WWP1: variants seen among roughly 807,000 people sequenced by gnomAD.
WWP1 encodes WW domain containing E3 ubiquitin protein ligase 1.
In WWP1, 49 loss-of-function variants were observed where a neutral mutation model predicts 130.6. The ratio of observed to expected loss-of-function variants is 0.38; its 90% CI spans 0.30 to 0.48. The LOEUF (loss-of-function observed/expected upper bound fraction) is 0.48. WWP1 is among the 20% of genes least tolerant of loss of function. The pLI, the probability that WWP1 is intolerant of heterozygous loss-of-function variation, is 0.99. For missense variants in WWP1, 809 were observed against 1,100.6 expected, an observed-to-expected ratio of 0.74 and a Z score of 3.75; for synonymous variants, 332 against 367.8, an observed-to-expected ratio of 0.90 and a Z score of 1.11.
intron 11 of WWP1, among the ~76,000 whole-genome samples, chr8:86,430,324 CTGGAGTGCAGTA>C (rs1330007077): frequency 6.6e-6 from 1 of 151,992 alleles, no homozygotes; most frequent in Non-Finnish European, 1.5e-5. Flanking sequence ...GTTGTGCAGG[CTGGAGTGCAGTA>C]GTAGTGTGAT....
rs199881497 is a variant in WWP1 at position 86,411,828 on chromosome 8, G to A, written c.1015G>A (p.Val339Ile). 2.5e-6 allele frequency: 4 copies of A among 1,613,520 alleles called. No individual in the cohort carries two copies. The East Asian group carries it at 8.9e-5, about 36-fold the overall frequency. The part of the protein sequence containing the change: ...SRQPDGCMDP[V>I]RQQSGNANTE... ...ACAGCCAGATGGGTGTATGGATCCTGTACGGCAGCAGTCTGGGAATGCCAA... is the reference window on the plus strand; with the variant it reads ...ACAGCCAGATGGGTGTATGGATCCTATACGGCAGCAGTCTGGGAATGCCAA... Residue 339 changes from valine (V) to isoleucine (I), a missense_variant, in exon 9 of 25, where the codon GTA (valine) becomes ATA (isoleucine). Transcript: ENST00000517970.
At position 86,430,694 on chromosome 8, in the gene WWP1, C is replaced by T. The variant is rs760462031; in HGVS notation, c.1333-3C>T. On this transcript the variant is annotated splice_region_variant and splice_polypyrimidine_tract_variant and intron_variant, in intron 11 of 24. Coordinates refer to ENST00000517970, the MANE Select transcript of WWP1 (RefSeq NM_007013.4). The stretch of plus-strand genomic sequence containing the variant: ...TTCTCTCCCTAATCTTTTCTCCAAT[C>T]AGGCTTCAATGTTAGCTGCAGAAAA... 1 of 1,583,116 alleles carries T rather than the reference C, an allele frequency of 6.3e-7. No individual in the cohort carries two copies.
At chr8:86,359,288 T>C (rs1823429737) in intron 1 of WWP1, among the ~76,000 whole-genome samples, 1 of 152,184 alleles carries the variant, frequency 6.6e-6, no homozygotes, top group Non-Finnish European at 1.5e-5. Flanking sequence ...CCCCTTTCTC[T>C]TCTGGAACCT....
intron 5 of WWP1, among the ~76,000 whole-genome samples, chr8:86,385,179 T>C (rs947305801): frequency 1.3e-5 from 2 of 152,226 alleles, no homozygotes; most frequent in Non-Finnish European, 2.9e-5. Flanking sequence ...GATAGAGATA[T>C]TATGTTTCTG....
intron 21 of WWP1, among the ~76,000 whole-genome samples, chr8:86,456,537 G>A (rs1449700314): frequency 2.0e-5 from 3 of 151,930 alleles, no homozygotes; most frequent in Non-Finnish European, 2.9e-5. Context: ...TTGAGATAGT[G>A]TTGGTAGTTT....
At chr8:86,365,140 A>G (rs1487915739) in intron 1 of WWP1, among the ~76,000 whole-genome samples, 1 of 152,188 alleles carries the variant, frequency 6.6e-6, no homozygotes, top group Non-Finnish European at 1.5e-5. Flanking sequence ...GTTAATTAAA[A>G]ATTAATGTAT....
At chr8:86,457,712 A>G (rs1013499413) in intron 21 of WWP1, among the ~76,000 whole-genome samples, 7 of 152,180 alleles carry the variant, frequency 4.6e-5, no homozygotes, top group Non-Finnish European at 1.0e-4. Flanking sequence ...GTTTGAGTTC[A>G]ATAAACATGG....
At chr8:86,418,954 C>T (rs1468720670) in intron 9 of WWP1, among the ~76,000 whole-genome samples, 1 of 152,148 alleles carries the variant, frequency 6.6e-6, no homozygotes, top group African/African-American at 2.4e-5. Flanking sequence ...TGTTCTCTAA[C>T]AAAACAGTCC....
At chr8:86,422,094 T>C (rs1403978004) in intron 9 of WWP1, among the ~76,000 whole-genome samples, 1 of 152,006 alleles carries the variant, frequency 6.6e-6, no homozygotes, top group Non-Finnish European at 1.5e-5. Context: ...GAAAAGTACT[T>C]TCCTTCAAAA....
chr8:86,430,612 G>T (rs1288273573), intron 11 of WWP1, 85 bp from the exon 12 acceptor site: 6 of 1,129,002 alleles, frequency 5.3e-6, no homozygotes, highest in East Asian at 3.3e-5. Flanking sequence ...TATAAAATGT[G>T]ATTCTGCCAC....
intron 9 of WWP1, among the ~76,000 whole-genome samples, chr8:86,420,787 A>G (rs1369792097): frequency 6.6e-6 from 1 of 152,224 alleles, no homozygotes; most frequent in Non-Finnish European, 1.5e-5. Context: ...TTATATAGCT[A>G]TGAAGGTATA....
chr8:86,434,153 T>C (rs10089253), intron 14 of WWP1, among the ~76,000 whole-genome samples: 22,403 of 152,172 alleles, frequency 0.15, 1,806 homozygotes, highest in Non-Finnish European at 0.19. Context: ...TTACTCTCCA[T>C]ACAGCACAGA....
chr8:86,373,328 G>A (rs1824442778), intron 2 of WWP1, among the ~76,000 whole-genome samples: 1 of 151,952 alleles, frequency 6.6e-6, no homozygotes, highest in South Asian at 2.1e-4. Flanking sequence ...AGTTGGTTAT[G>A]AGGTTCTGTT....
At chr8:86,343,440 C>A (rs1008679784) in intron 1 of WWP1, 5 of 129,226 alleles carry the variant, frequency 3.9e-5, no homozygotes, top group African/African-American at 1.2e-4. Context: ...GCCCCCCCAG[C>A]GCAACCCCCA....
intron 4 of WWP1, 64 bp from the exon 5 acceptor site, chr8:86,381,441 G>A (rs1355198293): frequency 6.6e-7 from 1 of 1,523,820 alleles, no homozygotes; most frequent in African/African-American, 1.4e-5. Flanking sequence ...AATAGGAATT[G>A]TTACTTATTA....
chr8:86,399,514 G>A (rs1050129956), intron 7 of WWP1, among the ~76,000 whole-genome samples: 4 of 152,184 alleles, frequency 2.6e-5, no homozygotes, highest in African/African-American at 9.7e-5. Context: ...ATATGACAAA[G>A]TGTGACTTTT....
At chr8:86,343,358 T>C (rs6988004) in intron 1 of WWP1, 151,780 of 151,864 alleles carry the variant, frequency 1, 75,848 homozygotes, top group Middle Eastern at 1. Flanking sequence ...GGACTCCAGC[T>C]TTGGAACGTC....
intron 1 of WWP1, among the ~76,000 whole-genome samples, chr8:86,362,061 CACATATATAT>C (rs1823661883): frequency 1.3e-5 from 1 of 74,434 alleles, no homozygotes. Context: ...CATATATACA[CACATATATAT>C]ACACATATAT....
At chr8:86,450,279 T>C (rs1811105310) in intron 20 of WWP1, among the ~76,000 whole-genome samples, 1 of 152,232 alleles carries the variant, frequency 6.6e-6, no homozygotes, top group Non-Finnish European at 1.5e-5. Context: ...CAATAACTGA[T>C]TTTCTTCCTT....
Sources: gnomAD v4.1 joint callset for allele counts (sites outside exome capture counted in the v4.1 genomes callset) on GRCh38, gnomAD v4.1.1 for gene constraint, MANE v1.5 for transcripts, NCBI Gene and HGNC (gene_info 2026-07-23, HGNC 2026-07-21) for gene names.